Variants in STK3 observed in about 807,000 individuals in gnomAD.
STK3 encodes serine/threonine kinase 3.
A neutral mutation model predicts 58.0 loss-of-function variants in STK3; 41 were observed. The observed-to-expected ratio is 0.71, with a 90% CI of 0.55 to 0.92. The LOEUF is 0.92. STK3 is among the 40% of genes least tolerant of loss of function. The pLI is 0.00. For synonymous variants in STK3, 170 were observed against 191.0 expected (o/e 0.89, Z 0.91); for missense variants, 479 against 602.7 (o/e 0.79, Z 2.15).
chr8:98,389,882 G>A (rs1306764040), upstream of STK3, among the ~76,000 whole-genome samples: 8 of 151,802 alleles, frequency 5.3e-5, no homozygotes, highest in Middle Eastern at 3.4e-3. Flanking sequence ...GAGAAGAACC[G>A]GACAGCTAAA....
At chr8:98,392,937 G>A (rs780113646), upstream of STK3, among the ~76,000 whole-genome samples, 2 of 152,134 alleles carry the variant, frequency 1.3e-5, no homozygotes, top group Non-Finnish European at 2.9e-5. Flanking sequence ...TTCAGAAAGG[G>A]AGGCAGAACC....
chr8:98,633,475 A>G (rs1418050452), intron 6 of STK3: 3 of 601,330 alleles, frequency 5.0e-6, no homozygotes, highest in Non-Finnish European at 9.2e-6. Context: ...CTGATCCAGA[A>G]GAAGGTAGAA....
chr8:98,366,410 T>A (rs1245837603), downstream of STK3, among the ~76,000 whole-genome samples: 2 of 152,232 alleles, frequency 1.3e-5, no homozygotes, highest in Non-Finnish European at 2.9e-5. Flanking sequence ...TTCCAGAAGT[T>A]TATAATTTTA....
intron 8 of STK3, among the ~76,000 whole-genome samples, chr8:98,573,166 A>G (rs1813100533): frequency 6.6e-6 from 1 of 152,218 alleles, no homozygotes; most frequent in South Asian, 2.1e-4. Flanking sequence ...TCAGGAAGGT[A>G]AGGGAAATAT....
intron 9 of STK3, among the ~76,000 whole-genome samples, chr8:98,529,620 AC>A (rs1826010336): frequency 6.6e-6 from 1 of 152,184 alleles, no homozygotes; most frequent in Admixed American, 6.5e-5. Flanking sequence ...GATAACTGTA[AC>A]CCCATGTCTA....
At chr8:98,451,421 G>A (rs1268528924), downstream of STK3, among the ~76,000 whole-genome samples, 1 of 152,110 alleles carries the variant, frequency 6.6e-6, no homozygotes, top group Non-Finnish European at 1.5e-5. Context: ...CGTCACTTGA[G>A]GCCTGTTGCA....
At chr8:98,778,224 T>C (rs978636262) in intron 1 of STK3, among the ~76,000 whole-genome samples, 7 of 152,174 alleles carry the variant, frequency 4.6e-5, no homozygotes, top group Non-Finnish European at 8.8e-5. Context: ...GCAAAGGATA[T>C]GAACACACAC....
intron 3 of STK3, among the ~76,000 whole-genome samples, chr8:98,759,772 T>A (rs903245768): frequency 2.0e-5 from 3 of 152,218 alleles, no homozygotes. Flanking sequence ...AGCCAGTATA[T>A]GGACTTGCAG....
At chr8:98,578,524 G>A (rs1041205915) in intron 8 of STK3, among the ~76,000 whole-genome samples, 1 of 152,144 alleles carries the variant, frequency 6.6e-6, no homozygotes, top group Non-Finnish European at 1.5e-5. Context: ...GGGCTACCAT[G>A]TGATAAAAGG....
chr8:98,622,982 G>A (rs376385034), intron 6 of STK3, among the ~76,000 whole-genome samples: 51 of 152,094 alleles, frequency 3.4e-4, no homozygotes, highest in African/African-American at 1.1e-3. Flanking sequence ...TTTACATACC[G>A]ATAAAAGAAA....
At chr8:98,553,493 G>A (rs1811352506) in intron 8 of STK3, 1 of 152,026 alleles carries the variant, frequency 6.6e-6, no homozygotes, top group Non-Finnish European at 1.5e-5. Context: ...CAGAATGAAG[G>A]ACAATTTTAT....
chr8:98,572,215 G>A (rs1318625212), intron 8 of STK3, among the ~76,000 whole-genome samples: 1 of 152,130 alleles, frequency 6.6e-6, no homozygotes, highest in Non-Finnish European at 1.5e-5. Context: ...AATACTGCTT[G>A]TTGTGTAACT....
chr8:98,725,654 GT>G (rs902744369), intron 4 of STK3, among the ~76,000 whole-genome samples: 2 of 152,068 alleles, frequency 1.3e-5, no homozygotes, highest in African/African-American at 4.8e-5. Flanking sequence ...CTTTTCATAT[GT>G]TTTTTCTAAT....
intron 6 of STK3, among the ~76,000 whole-genome samples, chr8:98,609,659 G>C (rs1422514253): frequency 2.0e-5 from 3 of 152,076 alleles, no homozygotes; most frequent in Admixed American, 2.0e-4. Context: ...CTTAAGGGAA[G>C]ACAAAATATT....
At chr8:98,870,601 G>A (rs1311263356) in intron 3 of STK3, among the ~76,000 whole-genome samples, 1 of 152,206 alleles carries the variant, frequency 6.6e-6, no homozygotes, top group Non-Finnish European at 1.5e-5. Flanking sequence ...CAGTGATCAT[G>A]AGCATTTTTT....
chr8:98,787,638 A>T (rs1351553308), intron 1 of STK3, among the ~76,000 whole-genome samples: 4 of 152,204 alleles, frequency 2.6e-5, no homozygotes, highest in Admixed American at 2.6e-4. Context: ...TCATCAAATT[A>T]TCTAAAGTTA....
At chr8:98,707,379 T>A (rs1826038346) in intron 4 of STK3, 68 bp from the exon 5 acceptor site, 1 of 1,177,168 alleles carries the variant, frequency 8.5e-7, no homozygotes, top group Non-Finnish European at 1.2e-6. Flanking sequence ...GAAAGAGCAC[T>A]AGTAACAAGT....
intron 3 of STK3, among the ~76,000 whole-genome samples, chr8:98,844,652 G>A (rs1413891165): frequency 6.6e-6 from 1 of 152,078 alleles, no homozygotes; most frequent in Non-Finnish European, 1.5e-5. Flanking sequence ...TTTTTGTAGA[G>A]ATGGGGTTTC....
chr8:98,860,037 T>G (rs536536082), intron 3 of STK3, among the ~76,000 whole-genome samples: 7 of 152,298 alleles, frequency 4.6e-5, no homozygotes, highest in African/African-American at 1.7e-4. Context: ...TGTCATTTAT[T>G]CATGTTAGTT....
Sources: allele counts gnomAD v4.1 joint callset (sites outside exome capture counted in the v4.1 genomes callset), GRCh38; gene constraint gnomAD v4.1.1; transcripts MANE v1.5; gene names NCBI Gene and HGNC (gene_info 2026-07-23, HGNC 2026-07-21).